The following GRM7 variants were observed in gnomAD, a reference collection of about 807,000 sequenced individuals.
The protein encoded by GRM7 is glutamate metabotropic receptor 7.
GRM7 carries 35 observed loss-of-function variants against 84.5 expected under a neutral mutation model. The ratio of observed to expected loss-of-function variants is 0.41; its 90% CI spans 0.32 to 0.55. The LOEUF is 0.55. Among genes scored for constraint, GRM7 ranks in the 20% least tolerant of loss-of-function variants. The pLI, the probability that GRM7 is intolerant of heterozygous loss-of-function variation, is 0.19. For missense variants in GRM7, 1,003 were observed against 1,194.6 expected, an observed-to-expected ratio of 0.84 and a Z score of 2.36; for synonymous variants, 487 against 455.1, an observed-to-expected ratio of 1.07 and a Z score of -0.89.
In GRM7 at chr3:6,973,592, C is replaced by T. The variant is rs115459378; in HGVS notation, c.519+111685C>T. On this transcript the variant is annotated intron_variant, in intron 1 of 9. Coordinates refer to ENST00000357716, the MANE Select transcript of GRM7 (RefSeq NM_000844.4). Reference sequence around the variant, plus strand: ...GAAAGGAGGAATGTGGGTTTCATGACCAAGGCAGAACTCACTGATAGAGTG... The same window carrying T: ...GAAAGGAGGAATGTGGGTTTCATGATCAAGGCAGAACTCACTGATAGAGTG... Among the ~76,000 whole-genome samples, 388 of 152,120 alleles carry T rather than the reference C, an allele frequency of 2.6e-3. 3 individuals carry two copies. Among genetic ancestry groups the T allele is most frequent in the African/African-American group, 8.8e-3 (366 of 41,492 alleles).
intron 1 of GRM7, among the ~76,000 whole-genome samples, chr3:7,029,328 C>CAAACAAAAAAAAAAAAAA (rs1559394068): frequency 4.3e-5 from 6 of 140,018 alleles, no homozygotes; most frequent in South Asian, 2.2e-4. Context: ...AAAAAAAAAA[C>CAAACAAAAAAAAAAAAAA]AAACAAAAAA....
intron 4 of GRM7, among the ~76,000 whole-genome samples, chr3:7,332,134 AG>A (rs1274382533): frequency 2.6e-5 from 4 of 152,206 alleles, no homozygotes; most frequent in African/African-American, 9.6e-5. Context: ...ACACCTGAGC[AG>A]GATATTAAAC....
chr3:7,219,580 T>A (rs754882845), intron 2 of GRM7, among the ~76,000 whole-genome samples: 1 of 152,174 alleles, frequency 6.6e-6, no homozygotes, highest in South Asian at 2.1e-4. Context: ...TGGATTGGAA[T>A]TAGGGACATT....
chr3:7,307,032 T>C (rs1340364386), intron 4 of GRM7, among the ~76,000 whole-genome samples: 3 of 152,124 alleles, frequency 2.0e-5, no homozygotes, highest in Admixed American at 1.3e-4. Context: ...ATTTCCTTAT[T>C]AGAAGAAGTA....
At chr3:7,190,657 G>A (rs950086150) in intron 2 of GRM7, among the ~76,000 whole-genome samples, 1 of 152,052 alleles carries the variant, frequency 6.6e-6, no homozygotes, top group Admixed American at 6.6e-5. Context: ...CATTTTGCAA[G>A]CACATTACTG....
intron 1 of GRM7, among the ~76,000 whole-genome samples, chr3:6,927,465 GAAAGAA>G (rs377084027): frequency 0.064 from 7,241 of 112,276 alleles, 448 homozygotes; most frequent in African/African-American, 0.16. Context: ...AAGAGAGAGA[GAAAGAA>G]AGAAAGAAAG....
chr3:7,207,742 A>G (rs894352441), intron 2 of GRM7, among the ~76,000 whole-genome samples: 3 of 152,254 alleles, frequency 2.0e-5, no homozygotes, highest in African/African-American at 7.2e-5. Flanking sequence ...AAGAAACAGT[A>G]GAACAATAGT....
At chr3:7,574,680 C>T (rs980885367) in intron 7 of GRM7, among the ~76,000 whole-genome samples, 2 of 152,206 alleles carry the variant, frequency 1.3e-5, no homozygotes, top group Non-Finnish European at 2.9e-5. Context: ...GCAAGAAGAG[C>T]TTCTCACAGG....
intron 8 of GRM7, among the ~76,000 whole-genome samples, chr3:7,627,554 A>G (rs1697670588): frequency 6.6e-6 from 1 of 152,250 alleles, no homozygotes; most frequent in Non-Finnish European, 1.5e-5. Flanking sequence ...TCAACTAGCC[A>G]GAGTTGAAAG....
intron 1 of GRM7, among the ~76,000 whole-genome samples, chr3:7,102,456 C>T (rs918288856): frequency 2.6e-5 from 4 of 151,608 alleles, no homozygotes; most frequent in African/African-American, 9.7e-5. Context: ...CCAAGGTTTT[C>T]TCTTTGTCTT....
intron 6 of GRM7, 80 bp from the exon 7 acceptor site, chr3:7,461,503 C>G (rs1268940288): frequency 2.5e-6 from 3 of 1,219,518 alleles, no homozygotes; most frequent in Admixed American, 1.8e-5. Context: ...CGTTAAGTCT[C>G]TAGCCTGTCA....
intron 8 of GRM7, among the ~76,000 whole-genome samples, chr3:7,634,059 T>C (rs1381777623): frequency 6.6e-6 from 1 of 152,198 alleles, no homozygotes; most frequent in East Asian, 1.9e-4. Context: ...TAAAATCTCA[T>C]ATGTGGAAAT....
At chr3:7,203,361 C>T (rs775103628) in intron 2 of GRM7, among the ~76,000 whole-genome samples, 24 of 152,200 alleles carry the variant, frequency 1.6e-4, no homozygotes, top group Non-Finnish European at 3.2e-4. Flanking sequence ...CCTACAGTTT[C>T]ATCCATGTTG....
chr3:7,620,044 T>C (rs76713415), intron 8 of GRM7, among the ~76,000 whole-genome samples: 3,744 of 152,246 alleles, frequency 0.025, 168 homozygotes, highest in African/African-American at 0.084. Flanking sequence ...TAACTGTCCA[T>C]GTGCTTACTT....
chr3:6,964,279 G>A (rs894646123), intron 1 of GRM7, among the ~76,000 whole-genome samples: 1 of 152,228 alleles, frequency 6.6e-6, no homozygotes, highest in East Asian at 1.9e-4. Context: ...CTGCCAATCT[G>A]GTTGGGGTTC....
In GRM7 at chr3:6,861,774, A is replaced by G; in HGVS notation, c.386A>G (p.Lys129Arg). 6.2e-7 allele frequency: 1 copy of G among 1,614,218 alleles called. No individual in the cohort carries two copies. Residue 129 changes from lysine (K) to arginine (R), a missense_variant, in exon 1 of 10, where the codon AAG (lysine) becomes AGG (arginine). Lys to Arg is a conservative substitution (Grantham distance 26). Around this residue, in one of 2 missense-constraint regions of GRM7, gnomAD observed 910 missense variants for 1,126.0 expected, o/e 0.81. Transcript: ENST00000357716. The surrounding 1 kb of genome is among the most constrained non-coding windows in gnomAD (Gnocchi z 6.4). The stretch of plus-strand genomic sequence containing the variant: ...ACTTTCGTCCAGGCGCTCATCCAGA[A>G]GGACACCTCCGACGTGCGCTGCACC... ...SLTFVQALIQ[K>R]DTSDVRCTNG... is the part of the protein sequence containing the mutation.
intron 2 of GRM7, among the ~76,000 whole-genome samples, chr3:7,286,946 G>T (rs942438860): frequency 1.3e-5 from 2 of 152,090 alleles, no homozygotes; most frequent in Non-Finnish European, 2.9e-5. Context: ...AAAATGAACA[G>T]TTAGCATCAT....
chr3:7,512,406 C>T (rs1005167512), intron 7 of GRM7, among the ~76,000 whole-genome samples: 5 of 152,116 alleles, frequency 3.3e-5, no homozygotes, highest in Admixed American at 2.0e-4. Flanking sequence ...AGTTTCTCTG[C>T]ATGAAATGCA....
chr3:6,950,688 C>T (rs1241733909), intron 1 of GRM7, among the ~76,000 whole-genome samples: 3 of 152,234 alleles, frequency 2.0e-5, no homozygotes, highest in African/African-American at 7.2e-5. Flanking sequence ...CCTCCTTGAG[C>T]TGTGGTGGGC....
Sources: allele counts gnomAD v4.1 joint callset (sites outside exome capture counted in the v4.1 genomes callset), GRCh38; gene constraint gnomAD v4.1.1; regional missense constraint gnomAD v4.1.1; non-coding constraint Gnocchi (gnomAD v3.1); transcripts MANE v1.5; gene names NCBI Gene and HGNC (gene_info 2026-07-23, HGNC 2026-07-21).